IDNK: variants seen among roughly 807,000 people sequenced by gnomAD.
The protein encoded by IDNK is IDNK gluconokinase.
In IDNK, 9 loss-of-function variants were observed where a neutral mutation model predicts 13.0. The observed-to-expected ratio is 0.69, with a 90% CI of 0.42 to 1.21. IDNK has a LOEUF of 1.21. Among genes scored for constraint, IDNK ranks in the 50% most tolerant of loss-of-function variants. The pLI is 0.00. For missense variants in IDNK, 210 were observed against 237.8 expected (o/e 0.88, Z 0.77); for synonymous variants, 92 against 94.9 (o/e 0.97, Z 0.18).
intron 1 of IDNK, 88 bp downstream of exon 1, chr9:83,623,309 TG>T: frequency 8.5e-7 from 1 of 1,173,992 alleles, no homozygotes; most frequent in Admixed American, 4.0e-5. Flanking sequence ...GCCGGTGGAC[TG>T]GGGTCTTGGG....
At chr9:83,623,974 A>C (rs922928180) in intron 1 of IDNK, among the ~76,000 whole-genome samples, 1 of 152,206 alleles carries the variant, frequency 6.6e-6, no homozygotes, top group East Asian at 1.9e-4. Context: ...CTAAAACATC[A>C]TAACCTTCAA....
chr9:83,641,656 C>T lies in IDNK; in HGVS notation c.212+65C>T, dbSNP rs556470439. The T allele has an allele frequency of 8.4e-5, 128 of 1,522,654 alleles. No individual in the cohort carries two copies. The Admixed American group carries it at 2.3e-3, about 27-fold the overall frequency. 94.3% of individuals were successfully genotyped at this position (1,522,654 alleles called of 1,614,324 possible). ...AGGTAAAGAAAACCCTCAGAAAAGACAGGGAAAAAAAATACACTCCTGAAA... is the reference window on the plus strand; with the variant it reads ...AGGTAAAGAAAACCCTCAGAAAAGATAGGGAAAAAAAATACACTCCTGAAA... On this transcript the variant is annotated intron_variant, in intron 4 of 4. Transcript: ENST00000376419.
chr9:83,633,648 C>G (rs1238681964), intron 3 of IDNK, among the ~76,000 whole-genome samples: 2 of 152,056 alleles, frequency 1.3e-5, no homozygotes, highest in East Asian at 3.8e-4. Context: ...TTAAATCAAC[C>G]AAAAAATAGT....
At chr9:83,623,324 C>G in intron 1 of IDNK, 103 bp downstream of exon 1, 1 of 1,073,322 alleles carries the variant, frequency 9.3e-7, no homozygotes, top group Non-Finnish European at 1.3e-6. Flanking sequence ...TCTTGGGGAC[C>G]CCCCACCCTT....
chr9:83,640,689 A>G (rs1587621133), intron 3 of IDNK, among the ~76,000 whole-genome samples: 2 of 152,146 alleles, frequency 1.3e-5, no homozygotes, highest in Non-Finnish European at 2.9e-5. Context: ...TAAAAATACA[A>G]AATTAATTAG....
rs893746700 is a variant in IDNK, at chr9:83,631,998, G to A, written c.168+3039G>A. Among the ~76,000 whole-genome samples, 136 of 151,732 alleles carry A rather than the reference G, an allele frequency of 9.0e-4. 2 individuals are homozygous for A. The highest frequency in any genetic ancestry group is 1.6e-4 in the Non-Finnish European group (11 of 67,952). On this transcript the variant is annotated intron_variant, in intron 3 of 4. Transcript: ENST00000376419. ...AAAAAAATCCTGAAAAAAATCTCCT[G>A]ATTATAATTGTAATATTTGCCCTGT...
At chr9:83,623,658 A>C in intron 1 of IDNK, 1 of 178,760 alleles carries the variant, frequency 5.6e-6, no homozygotes, top group East Asian at 1.8e-4. Flanking sequence ...ATCTGGACAC[A>C]CAGCGGCCTC....
chr9:83,623,400 C>G (rs1029207587), intron 1 of IDNK, 179 bp downstream of exon 1: 1 of 630,942 alleles, frequency 1.6e-6, no homozygotes, highest in Non-Finnish European at 2.7e-6. Flanking sequence ...CCAGCCTGCT[C>G]GCGGGGCGCC....
Position 83,623,161 on chromosome 9 carries a change from G to C in IDNK, c.-11G>C. On this transcript the variant is annotated 5_prime_UTR_variant, in exon 1 of 5. Transcript: ENST00000376419. The stretch of plus-strand genomic sequence containing the variant: ...GCCCGGAAGGCGACGGGAAGGAGCC[G>C]AGCTTGGGTTATGGCGGCGCCGGGC... 1 of 1,419,920 alleles carries C rather than the reference G, an allele frequency of 7.0e-7. No homozygotes were observed. The highest frequency in any genetic ancestry group is 9.2e-7 in the Non-Finnish European group (1 of 1,091,900). The allele number at this position is 1,419,920 out of a possible 1,614,324, so 88.0% of individuals were successfully genotyped here.
chr9:83,634,603 A>C (rs181392253), intron 3 of IDNK, among the ~76,000 whole-genome samples: 1 of 152,350 alleles, frequency 6.6e-6, no homozygotes, highest in East Asian at 1.9e-4. Context: ...TAAGATAGTC[A>C]ACACTCAGCT....
chr9:83,643,907 A>C lies in IDNK; in HGVS notation c.*127A>C. On this transcript the variant is annotated 3_prime_UTR_variant, in exon 5 of 5. Coordinates refer to ENST00000376419, the MANE Select transcript of IDNK (RefSeq NM_001001551.4). ...TCTAAAGGCAAACCCCAATGTGTCA[A>C]GACAGACTTGTTTAGGTGTAATTTT... is the stretch of plus-strand genomic sequence containing the variant. 1.6e-6 allele frequency: 1 copy of C among 644,914 alleles called. No individual in the cohort carries two copies. 39.9% of individuals were successfully genotyped at this position (644,914 alleles called of 1,614,324 possible). A position where few individuals can be genotyped will look rare whatever the true frequency, so the allele number is the denominator to read the frequency against.
At chr9:83,634,467 G>A (rs534431442) in intron 3 of IDNK, among the ~76,000 whole-genome samples, 24 of 152,288 alleles carry the variant, frequency 1.6e-4, no homozygotes, top group Non-Finnish European at 2.6e-4. Flanking sequence ...GAAAAAACAT[G>A]TATTCAAAGT....
chr9:83,623,975 T>G (rs1464361194), intron 1 of IDNK, among the ~76,000 whole-genome samples: 1 of 152,184 alleles, frequency 6.6e-6, no homozygotes, highest in African/African-American at 2.4e-5. Context: ...TAAAACATCA[T>G]AACCTTCAAG....
intron 3 of IDNK, among the ~76,000 whole-genome samples, chr9:83,631,579 T>C (rs1369544954): frequency 6.7e-6 from 1 of 149,968 alleles, no homozygotes; most frequent in Non-Finnish European, 1.5e-5. Context: ...ACTACTGCAC[T>C]CTAGCCTGGG....
Position 83,628,218 on chromosome 9 carries a change from A to T in IDNK, c.81+7A>T. Reference sequence around the variant, plus strand: ...CGCCCTGCTGGCATCTGAGGTTAGTAACCTGTCCTAATGCCTTCCGAGTGC... The same window carrying T: ...CGCCCTGCTGGCATCTGAGGTTAGTTACCTGTCCTAATGCCTTCCGAGTGC... On this transcript the variant is annotated splice_region_variant and intron_variant, in intron 2 of 4. Transcript: ENST00000376419. The T allele has an allele frequency of 1.3e-6, 2 of 1,548,518 alleles. No individual in the cohort carries two copies. Among genetic ancestry groups the T allele is most frequent in the Non-Finnish European group, 1.7e-6 (2 of 1,145,080 alleles).
At chr9:83,626,833 AGAAT>A in intron 1 of IDNK, 1 of 1,108,174 alleles carries the variant, frequency 9.0e-7, no homozygotes, top group Non-Finnish European at 1.1e-6. Flanking sequence ...AGCCTTCAAT[AGAAT>A]GAACTAATGG....
At chr9:83,642,148 G>T (rs62559840) in intron 4 of IDNK, among the ~76,000 whole-genome samples, 1 of 144,636 alleles carries the variant, frequency 6.9e-6, no homozygotes, top group Non-Finnish European at 1.5e-5. Context: ...GCCCCTGAGC[G>T]AACAGGGTCC....
At chr9:83,640,497 G>A (rs992527281) in intron 3 of IDNK, among the ~76,000 whole-genome samples, 1 of 152,202 alleles carries the variant, frequency 6.6e-6, no homozygotes, top group African/African-American at 2.4e-5. Context: ...TATTTGGGAT[G>A]TGGGATGTGG....
At chr9:83,643,389 T>C in intron 4 of IDNK, 40 bp from the exon 5 acceptor site, 1 of 1,511,146 alleles carries the variant, frequency 6.6e-7, no homozygotes, top group Non-Finnish European at 8.9e-7. Context: ...AATGTCCTCC[T>C]TCTTTAGCCT....
Sources: gnomAD v4.1 joint callset for allele counts (sites outside exome capture counted in the v4.1 genomes callset) on GRCh38, gnomAD v4.1.1 for gene constraint, MANE v1.5 for transcripts, NCBI Gene and HGNC (gene_info 2026-07-23, HGNC 2026-07-21) for gene names.